Variants in CAMKMT observed in about 807,000 individuals in gnomAD.
CAMKMT encodes the protein CaM KMT.
Under a neutral mutation model 48.0 loss-of-function variants are expected in CAMKMT, and 53 were observed. That is an observed-to-expected ratio of 1.10 (90% CI 0.89 to 1.39). CAMKMT has a LOEUF of 1.39. Ranked by LOEUF, CAMKMT falls within the 40% of genes most tolerant of loss-of-function variation. CAMKMT has a pLI of 0.00. For synonymous variants in CAMKMT, 165 were observed against 152.3 expected, an observed-to-expected ratio of 1.08 and a Z score of -0.61; for missense variants, 428 against 402.7, an observed-to-expected ratio of 1.06 and a Z score of -0.54.
At chr2:44,714,054 A>C (rs1043858903) in intron 6 of CAMKMT, among the ~76,000 whole-genome samples, 3 of 152,222 alleles carry the variant, frequency 2.0e-5, no homozygotes, top group Admixed American at 6.5e-5. Flanking sequence ...GACACATAGA[A>C]TATATCATAT....
intron 3 of CAMKMT, among the ~76,000 whole-genome samples, chr2:44,501,920 A>G (rs75636798): frequency 3.7e-4 from 56 of 152,328 alleles, no homozygotes; most frequent in Middle Eastern, 3.4e-3. Flanking sequence ...CAACAAAAAC[A>G]AAAAAGCAAA....
chr2:44,378,639 A>C (rs1679935992), intron 2 of CAMKMT, among the ~76,000 whole-genome samples: 1 of 152,084 alleles, frequency 6.6e-6, no homozygotes, highest in South Asian at 2.1e-4. Flanking sequence ...GACTACAGGC[A>C]TGTGCCACCA....
At chr2:44,754,359 A>G (rs1200824606) in intron 9 of CAMKMT, among the ~76,000 whole-genome samples, 1 of 152,228 alleles carries the variant, frequency 6.6e-6, no homozygotes, top group Admixed American at 6.5e-5. Context: ...CAGCCGCTTC[A>G]AAGATAGTGT....
chr2:44,612,420 A>G (rs144966096), intron 3 of CAMKMT, among the ~76,000 whole-genome samples: 1 of 152,306 alleles, frequency 6.6e-6, no homozygotes, highest in African/African-American at 2.4e-5. Flanking sequence ...GTATTTATTG[A>G]CTAAATGCAG....
At chr2:44,442,501 C>T (rs1326828210) in intron 3 of CAMKMT, among the ~76,000 whole-genome samples, 2 of 152,156 alleles carry the variant, frequency 1.3e-5, no homozygotes, top group African/African-American at 2.4e-5. Flanking sequence ...GGTTTCTAGG[C>T]ACTAAACGTT....
intron 3 of CAMKMT, among the ~76,000 whole-genome samples, chr2:44,439,856 C>T (rs1337298454): frequency 6.6e-6 from 1 of 152,008 alleles, no homozygotes; most frequent in Non-Finnish European, 1.5e-5. Context: ...GGAGGACTTA[C>T]ATCCATCTGA....
chr2:44,622,450 T>C (rs1436202133), intron 3 of CAMKMT, among the ~76,000 whole-genome samples: 1 of 152,230 alleles, frequency 6.6e-6, no homozygotes, highest in African/African-American at 2.4e-5. Flanking sequence ...ACCCAGAAAG[T>C]GAGCATAGTA....
At chr2:44,681,502 G>A (rs1676017907) in intron 3 of CAMKMT, among the ~76,000 whole-genome samples, 1 of 151,970 alleles carries the variant, frequency 6.6e-6, no homozygotes. Context: ...GGCAGAGGAG[G>A]GGGTGTTCTT....
intron 3 of CAMKMT, among the ~76,000 whole-genome samples, chr2:44,474,446 C>CAAAAAAA (rs1222971931): frequency 6.9e-5 from 4 of 57,966 alleles, no homozygotes; most frequent in African/African-American, 6.5e-5. Context: ...GACTCCGTCT[C>CAAAAAAA]AAAAAAAAAA....
chr2:44,559,798 C>G (rs1316440569), intron 3 of CAMKMT, among the ~76,000 whole-genome samples: 3 of 152,114 alleles, frequency 2.0e-5, no homozygotes, highest in Non-Finnish European at 2.9e-5. Context: ...TATTCAGAAT[C>G]AAGTTTTTTA....
At chr2:44,624,085 C>T (rs1230064007) in intron 3 of CAMKMT, among the ~76,000 whole-genome samples, 1 of 152,044 alleles carries the variant, frequency 6.6e-6, no homozygotes, top group Non-Finnish European at 1.5e-5. Flanking sequence ...CAAGTGGGAC[C>T]TAAGTAAACT....
intron 3 of CAMKMT, among the ~76,000 whole-genome samples, chr2:44,626,627 G>T (rs1672498359): frequency 1.3e-5 from 2 of 152,116 alleles, no homozygotes; most frequent in African/African-American, 4.8e-5. Flanking sequence ...CACGGTAGAA[G>T]GGGCTAGCTA....
intron 3 of CAMKMT, among the ~76,000 whole-genome samples, chr2:44,452,282 G>A (rs1667333421): frequency 6.6e-6 from 1 of 151,982 alleles, no homozygotes; most frequent in African/African-American, 2.4e-5. Flanking sequence ...CTTTGGAATG[G>A]GAAAAGTATC....
intron 3 of CAMKMT, among the ~76,000 whole-genome samples, chr2:44,412,142 A>G (rs1041608749): frequency 6.6e-6 from 1 of 151,954 alleles, no homozygotes. Flanking sequence ...TGTCACGCGC[A>G]TTACGTTTCA....
intron 3 of CAMKMT, among the ~76,000 whole-genome samples, chr2:44,500,024 C>G (rs992675215): frequency 6.6e-6 from 1 of 152,118 alleles, no homozygotes; most frequent in Non-Finnish European, 1.5e-5. Flanking sequence ...TTTCACTCTT[C>G]ATTTTAAATA....
chr2:44,410,235 A>ATATATATAGTCTATAGAC lies in CAMKMT; in HGVS notation c.376+19938_376+19939insGTCTATAGACTATATATA, dbSNP rs1683100685. ...TAAGTAATTAGTCAGGTATCAGTAT[A>ATATATATAGTCTATAGAC]TATATATATATATTTTTTTTTTTTT... On this transcript the variant is annotated intron_variant, in intron 3 of 10. Transcript: ENST00000378494. Among the ~76,000 whole-genome samples the ATATATATAGTCTATAGAC allele has an allele frequency of 4.7e-4, 5 of 10,724 alleles. 2 individuals are homozygous for ATATATATAGTCTATAGAC. The highest frequency in any genetic ancestry group is 9.0e-4 in the Non-Finnish European group (4 of 4,444). The allele number at this position is 10,724 out of a possible 152,430, so 7.0% of individuals were successfully genotyped here. A position where few individuals can be genotyped will look rare whatever the true frequency, so the allele number is the denominator to read the frequency against.
rs540034634 is a variant in CAMKMT, at chr2:44,602,409, T to A, written c.377-101874T>A. 3.2e-3 allele frequency among the ~76,000 whole-genome samples: 488 copies of A among 152,178 alleles called. 5 individuals are homozygous for A. The highest frequency in any genetic ancestry group is 0.011 in the African/African-American group (472 of 41,438). ...TTACTCAACCTGTTTTCCAACATTTTTATTAAGAGAACAACAAAAATGTTA... is the reference window on the plus strand; with the variant it reads ...TTACTCAACCTGTTTTCCAACATTTATATTAAGAGAACAACAAAAATGTTA... On this transcript the variant is annotated intron_variant, in intron 3 of 10. Coordinates refer to ENST00000378494, the MANE Select transcript of CAMKMT (RefSeq NM_024766.5).
chr2:44,387,703 A>G (rs1035144507), intron 2 of CAMKMT, among the ~76,000 whole-genome samples: 16 of 151,278 alleles, frequency 1.1e-4, no homozygotes, highest in African/African-American at 3.9e-4. Flanking sequence ...TCTTTTTAGC[A>G]GTTCTTGTGG....
At chr2:44,580,756 A>G (rs561083601) in intron 3 of CAMKMT, among the ~76,000 whole-genome samples, 1 of 152,316 alleles carries the variant, frequency 6.6e-6, no homozygotes, top group South Asian at 2.1e-4. Context: ...TACAATAGAA[A>G]CAACATTTAC....
Sources: allele counts gnomAD v4.1 joint callset (sites outside exome capture counted in the v4.1 genomes callset), GRCh38; gene constraint gnomAD v4.1.1; transcripts MANE v1.5; gene names NCBI Gene and HGNC (gene_info 2026-07-23, HGNC 2026-07-21).